Variants in RPN1 observed in about 807,000 individuals in gnomAD.
The protein encoded by RPN1 is dolichyl-diphosphooligosaccharide--protein glycosyltransferase subunit 1.
A neutral mutation model predicts 55.5 loss-of-function variants in RPN1; 12 were observed. The ratio of observed to expected loss-of-function variants is 0.22; its 90% CI spans 0.14 to 0.35. The LOEUF (loss-of-function observed/expected upper bound fraction) is 0.35, where lower values mean the gene tolerates loss of function less well. Ranked by LOEUF, RPN1 falls within the 10% of genes least tolerant of loss-of-function variation. The pLI, the probability that RPN1 is intolerant of heterozygous loss-of-function variation, is 1.00. For missense variants in RPN1, 679 were observed against 761.3 expected, an observed-to-expected ratio of 0.89 and a Z score of 1.27; for synonymous variants, 317 against 305.9, an observed-to-expected ratio of 1.04 and a Z score of -0.38.
intron 5 of RPN1, 89 bp from the exon 6 acceptor site, chr3:128,626,921 G>C: frequency 8.1e-7 from 1 of 1,239,820 alleles, no homozygotes; most frequent in Non-Finnish European, 1.2e-6. Context: ...CATAAAGACA[G>C]AGCAAGTAGA....
chr3:128,643,933 AAAT>A (rs1035174467), intron 2 of RPN1, among the ~76,000 whole-genome samples: 21 of 152,002 alleles, frequency 1.4e-4, no homozygotes, highest in African/African-American at 4.8e-4. Context: ...TGTCTCCAAA[AAAT>A]AATAATAATA....
chr3:128,632,900 T>C (rs936288699), intron 3 of RPN1, among the ~76,000 whole-genome samples: 10 of 152,106 alleles, frequency 6.6e-5, no homozygotes, highest in Middle Eastern at 3.4e-3. Flanking sequence ...CAGCAAGCCA[T>C]CGTGCCCAGC....
intron 3 of RPN1, among the ~76,000 whole-genome samples, chr3:128,633,251 G>A (rs755750649): frequency 1.3e-5 from 2 of 148,696 alleles, no homozygotes; most frequent in Middle Eastern, 3.5e-3. Flanking sequence ...AATTATAAAC[G>A]GTCTCACTCT....
chr3:128,650,791 G>C lies in RPN1; in HGVS notation c.10C>G (p.Pro4Ala), dbSNP rs1045907278. The change falls in exon 1 of 10, where the codon CCA becomes GCA. Residue 4 changes from proline (P) to alanine (A), a missense_variant. Pro to Ala is a conservative substitution (Grantham distance 27, BLOSUM62 -1). Coordinates refer to ENST00000296255, the MANE Select transcript of RPN1 (RefSeq NM_002950.4). ...AGGAGCAGAAACAAGCCGGCGGCTG[G>C]CGCCTCCATGACCGGGAAGAGCAGT... is the stretch of plus-strand genomic sequence containing the variant. Reference protein sequence around the residue: MEAPAAGLFLLLLL... With the variant: MEAAAAGLFLLLLL... 1.4e-5 allele frequency: 22 copies of C among 1,533,726 alleles called. No individual in the cohort carries two copies. The highest frequency in any genetic ancestry group is 3.6e-5 in the South Asian group (3 of 83,182).
chr3:128,622,150 C>T lies in RPN1; in HGVS notation c.1641+14G>A, dbSNP rs148392806. ...GGCCCCAAGCCAAGCAACTCTGTGA[C>T]GCCCGACACTTACTCTGTCGCACAG... On this transcript the variant is annotated intron_variant, in intron 9 of 9. Coordinates refer to ENST00000296255, the MANE Select transcript of RPN1 (RefSeq NM_002950.4). 10,119 of 1,612,702 alleles carry T rather than the reference C, an allele frequency of 6.3e-3. 49 individuals are homozygous for T. Among genetic ancestry groups the T allele is most frequent in the Non-Finnish European group, 7.6e-3 (8,940 of 1,178,966 alleles).
At chr3:128,642,574 T>C (rs7647837) in intron 2 of RPN1, 92,836 of 151,794 alleles carry the variant, frequency 0.61, 28,523 homozygotes, top group East Asian at 0.77. Context: ...TGAACACCTG[T>C]AATCCCAGCT....
At chr3:128,633,501 A>C (rs1387102990) in intron 3 of RPN1, among the ~76,000 whole-genome samples, 2 of 152,174 alleles carry the variant, frequency 1.3e-5, no homozygotes, top group Non-Finnish European at 2.9e-5. Flanking sequence ...AGCATAAGCC[A>C]CTGTGCCCAA....
At chr3:128,622,024 A>C (rs996370595) in intron 9 of RPN1, 140 bp downstream of exon 9, 5 of 819,320 alleles carry the variant, frequency 6.1e-6, no homozygotes, top group Admixed American at 2.5e-5. Context: ...GACTGGCACC[A>C]CATGAAAAGT....
Position 128,620,487 on chromosome 3 carries a change from A to G in RPN1, c.1748T>C (p.Ile583Thr), listed in dbSNP as rs770929459. The G allele has an allele frequency of 6.2e-7, 1 of 1,614,016 alleles. No individual in the cohort carries two copies. Among genetic ancestry groups the G allele is most frequent in the Non-Finnish European group, 8.5e-7 (1 of 1,180,008 alleles). The stretch of plus-strand genomic sequence containing the variant: ...TCCTGAGATGAGCTTCTCATTCTCA[A>G]TGTACGTGTCTTTCTTGAGCTTGCC... ...VAGKLKKDTYIENEKLISGKR... is the reference protein window; with the variant it reads ...VAGKLKKDTYTENEKLISGKR... Residue 583 changes from isoleucine (I) to threonine (T), a missense_variant, in exon 10 of 10, where the codon ATT (isoleucine) becomes ACT (threonine). Transcript: ENST00000296255.
In RPN1 at chr3:128,650,610, G is replaced by A; in HGVS notation, c.191C>T (p.Ser64Phe). The change falls in exon 1 of 10, where the codon TCC becomes TTC. Residue 64 changes from serine (S) to phenylalanine (F), a missense_variant. Physicochemically the swap from Ser to Phe is radical, Grantham distance 155 (BLOSUM62 -2). Coordinates refer to ENST00000296255, the MANE Select transcript of RPN1 (RefSeq NM_002950.4). Reference protein sequence around the residue: ...VLAHLGGGSTSRATSFLLALE... With the variant: ...VLAHLGGGSTFRATSFLLALE... ...AGCCAGCAGGAAAGAGGTAGCTCGGGACGTGGAGCCGCCGCCCAGGTGCGC... is the reference window on the plus strand; with the variant it reads ...AGCCAGCAGGAAAGAGGTAGCTCGGAACGTGGAGCCGCCGCCCAGGTGCGC... 1 of 1,550,522 alleles carries A rather than the reference G, an allele frequency of 6.4e-7. No individual in the cohort carries two copies. The highest frequency in any genetic ancestry group is 1.2e-5 in the South Asian group (1 of 84,076).
intron 3 of RPN1, among the ~76,000 whole-genome samples, chr3:128,637,346 T>C (rs997731182): frequency 3.3e-5 from 5 of 152,186 alleles, no homozygotes; most frequent in African/African-American, 9.7e-5. Context: ...GAGTTTATAC[T>C]AGTCTTTGTA....
intron 4 of RPN1, 82 bp downstream of exon 4, chr3:128,631,866 T>C: frequency 1.4e-6 from 2 of 1,448,004 alleles, no homozygotes; most frequent in Non-Finnish European, 1.9e-6. Context: ...GCCTAAATAT[T>C]TAGCTAGTTT....
chr3:128,625,731 G>A (rs552885008), intron 7 of RPN1, 78 bp from the exon 8 acceptor site: 79 of 1,597,244 alleles, frequency 4.9e-5, no homozygotes, highest in Non-Finnish European at 6.7e-5. Context: ...TGGCCCACTC[G>A]ACCTGCTGCC....
intron 3 of RPN1, among the ~76,000 whole-genome samples, chr3:128,633,843 TGTGG>T (rs770888811): frequency 1.7e-4 from 25 of 148,042 alleles, no homozygotes; most frequent in Non-Finnish European, 1.5e-4. Context: ...ATTAGCCAGG[TGTGG>T]TGATGGGCGC....
chr3:128,632,092 G>T lies in RPN1; in HGVS notation c.699C>A (p.Val233=). 1.2e-6 allele frequency: 2 copies of T among 1,614,138 alleles called. No homozygotes were observed. Among genetic ancestry groups the T allele is most frequent in the Non-Finnish European group, 1.7e-6 (2 of 1,180,036 alleles). Residue 233 remains valine, a synonymous_variant, in exon 4 of 10, where the codon GTC becomes GTA. Transcript: ENST00000296255. ...TATTACCCCAGTGAGAGACTTCAAT[G>T]ACTCGGGTCATGCTGGTGATGGTCA... ...PFLTITSMTR[V]IEVSHWGNIA...
rs2069694753 is a variant in RPN1 at position 128,638,090 on chromosome 3, T to C, written c.342A>G (p.Thr114=). 6 of 1,612,250 alleles carry C rather than the reference T, an allele frequency of 3.7e-6. No homozygotes were observed. Among genetic ancestry groups the C allele is most frequent in the South Asian group, 1.1e-5 (1 of 91,034 alleles). ...GATCAAGAGCAACTGGGAGCTTGACTGTGAAGAATCTCCCACTAAAGGAAG... is the reference window on the plus strand; with the variant it reads ...GATCAAGAGCAACTGGGAGCTTGACCGTGAAGAATCTCCCACTAAAGGAAG... ...KIKGKSGRFF[T]VKLPVALDPG... is the part of the protein sequence containing the mutation. Residue 114 remains threonine, a synonymous_variant, in exon 3 of 10, where the codon ACA becomes ACG. Coordinates refer to ENST00000296255, the MANE Select transcript of RPN1 (RefSeq NM_002950.4).
At chr3:128,628,618 G>T (rs955919191) in intron 5 of RPN1, among the ~76,000 whole-genome samples, 7 of 150,946 alleles carry the variant, frequency 4.6e-5, no homozygotes, top group Admixed American at 2.7e-4. Context: ...TTTTCACCAT[G>T]TTGCCCCGGC....
At chr3:128,641,812 T>C (rs1267924155) in intron 2 of RPN1, among the ~76,000 whole-genome samples, 3 of 152,004 alleles carry the variant, frequency 2.0e-5, no homozygotes, top group Non-Finnish European at 4.4e-5. Context: ...GGTTTCTCCA[T>C]GTTGGTCAGG....
chr3:128,638,911 A>G (rs1185058070), intron 2 of RPN1, among the ~76,000 whole-genome samples: 1 of 151,658 alleles, frequency 6.6e-6, no homozygotes, highest in South Asian at 2.1e-4. Context: ...GGTTGCAGTG[A>G]GCCAAGATAG....
Sources: allele counts gnomAD v4.1 joint callset (sites outside exome capture counted in the v4.1 genomes callset), GRCh38; gene constraint gnomAD v4.1.1; transcripts MANE v1.5; gene names NCBI Gene and HGNC (gene_info 2026-07-23, HGNC 2026-07-21).